Variants in MS4A14 observed in about 807,000 individuals in gnomAD.
The protein encoded by MS4A14 is membrane-spanning 4-domains subfamily A member 14.
MS4A14 carries 18 observed loss-of-function variants against 16.7 expected under a neutral mutation model. The observed-to-expected ratio is 1.08, with a 90% CI of 0.75 to 1.60. The LOEUF (loss-of-function observed/expected upper bound fraction) is 1.60, where lower values mean the gene tolerates loss of function less well. Among genes scored for constraint, MS4A14 ranks in the 40% most tolerant of loss-of-function variants. The pLI is 0.00. For synonymous variants in MS4A14, 305 were observed against 289.4 expected (o/e 1.05, Z -0.55); for missense variants, 812 against 775.3 (o/e 1.05, Z -0.56).
chr11:60,415,396 T>C, intron 4 of MS4A14, 41 bp from the exon 5 acceptor site: 1 of 1,530,176 alleles, frequency 6.5e-7, no homozygotes. Flanking sequence ...AAATCAGACA[T>C]GATTCTGTCA....
intron 2 of MS4A14, chr11:60,398,245 T>C (rs1305267417): frequency 1.5e-5 from 4 of 271,438 alleles, no homozygotes; most frequent in East Asian, 1.6e-4. Context: ...CCTGGGAGAC[T>C]AGATGCACAA....
In MS4A14 at chr11:60,416,196, C is replaced by G. The variant is rs746848351; in HGVS notation, c.1228C>G (p.Leu410Val). ...IPSQDMLSQA[L>V]SAHAILPEAS... The stretch of plus-strand genomic sequence containing the variant: ...TTCCCAAGATATGCTATCCCAAGCT[C>G]TATCAGCGCATGCCATATTACCTGA... The change falls in exon 5 of 5, where the codon CTA becomes GTA. Residue 410 changes from leucine (L) to valine (V), a missense_variant. By Grantham distance (32) the Leu-to-Val change is conservative. Coordinates refer to ENST00000300187, the MANE Select transcript of MS4A14 (RefSeq NM_032597.5). 1 of 1,613,720 alleles carries G rather than the reference C, an allele frequency of 6.2e-7. No individual in the cohort carries two copies. The highest frequency in any genetic ancestry group is 8.5e-7 in the Non-Finnish European group (1 of 1,179,926).
At chr11:60,400,294 G>C in intron 2 of MS4A14, 110 bp from the exon 3 acceptor site, 1 of 638,370 alleles carries the variant, frequency 1.6e-6, no homozygotes, top group Non-Finnish European at 2.7e-6. Context: ...TGGAAAAACG[G>C]GATGGTCTTG....
At chr11:60,409,305 T>G (rs1590815975) in intron 4 of MS4A14, among the ~76,000 whole-genome samples, 1 of 152,050 alleles carries the variant, frequency 6.6e-6, no homozygotes, top group Non-Finnish European at 1.5e-5. Context: ...GACCAATCCT[T>G]CCCGGTCCTC....
intron 4 of MS4A14, among the ~76,000 whole-genome samples, chr11:60,408,382 G>A (rs181817654): frequency 6.6e-6 from 1 of 152,062 alleles, no homozygotes; most frequent in East Asian, 1.9e-4. Context: ...ATAATGTTGT[G>A]TAACTCTCAC....
At position 60,415,533 on chromosome 11, in the gene MS4A14, T is replaced by C. The variant is rs1236747590; in HGVS notation, c.565T>C (p.Ser189Pro). ...QLQFVLQEEFSSDDSTTNAQS... is the reference protein window; with the variant it reads ...QLQFVLQEEFPSDDSTTNAQS... ...ACAATTTGTGCTTCAAGAAGAGTTTTCCAGTGATGATTCAACAACAAATGC... is the reference window on the plus strand; with the variant it reads ...ACAATTTGTGCTTCAAGAAGAGTTTCCCAGTGATGATTCAACAACAAATGC... Residue 189 changes from serine to proline, a missense_variant, in exon 5 of 5, where the codon TCC becomes CCC. By Grantham distance (74) the Ser-to-Pro change is moderately conservative (BLOSUM62 -1). Transcript: ENST00000300187. The C allele has an allele frequency of 6.2e-7, 1 of 1,613,766 alleles. No homozygotes were observed. Among genetic ancestry groups the C allele is most frequent in the Non-Finnish European group, 8.5e-7 (1 of 1,179,788 alleles).
chr11:60,399,027 T>TAG (rs1371523200), intron 2 of MS4A14, among the ~76,000 whole-genome samples: 3 of 152,222 alleles, frequency 2.0e-5, no homozygotes, highest in Non-Finnish European at 4.4e-5. Context: ...ACTTAAAAGA[T>TAG]ATTTACTGAG....
chr11:60,416,240 T>A lies in MS4A14; in HGVS notation c.1272T>A (p.Ile424=). The A allele has an allele frequency of 6.2e-7, 1 of 1,614,012 alleles. No individual in the cohort carries two copies. Among genetic ancestry groups the A allele is most frequent in the Non-Finnish European group, 8.5e-7 (1 of 1,179,972 alleles). ...AILPEASTSH[I]VQFPEIQHLL... is the part of the protein sequence containing the mutation. The stretch of plus-strand genomic sequence containing the variant: ...TACCTGAAGCCTCAACATCCCATAT[T>A]GTGCAGTTCCCTGAAATACAACACC... The change falls in exon 5 of 5, where the codon ATT becomes ATA. Residue 424 remains isoleucine (I), a synonymous_variant. Coordinates refer to ENST00000300187, the MANE Select transcript of MS4A14 (RefSeq NM_032597.5).
At chr11:60,410,015 AATTTTT>A (rs1392367137) in intron 4 of MS4A14, among the ~76,000 whole-genome samples, 3 of 152,064 alleles carry the variant, frequency 2.0e-5, no homozygotes, top group Admixed American at 6.6e-5. Flanking sequence ...CACCCACATA[AATTTTT>A]ATTTTTATTT....
chr11:60,404,577 G>A (rs2085760411), intron 4 of MS4A14: 1 of 456,806 alleles, frequency 2.2e-6, no homozygotes, highest in Non-Finnish European at 4.4e-6. Context: ...CCACACTCCA[G>A]CCACTTCCTA....
At chr11:60,398,644 G>C (rs947759228) in intron 2 of MS4A14, among the ~76,000 whole-genome samples, 2 of 152,036 alleles carry the variant, frequency 1.3e-5, no homozygotes, top group Admixed American at 1.3e-4. Context: ...TCATGCTTGA[G>C]GCATAGTGTG....
At chr11:60,397,760 G>T in intron 1 of MS4A14, 92 bp from the exon 2 acceptor site, 2 of 1,219,414 alleles carry the variant, frequency 1.6e-6, no homozygotes, top group Non-Finnish European at 2.3e-6. Context: ...TGGAGGGAAA[G>T]GTGTGCCATG....
intron 1 of MS4A14, 24 bp from the exon 2 acceptor site, chr11:60,397,828 A>G (rs767668309): frequency 1.2e-6 from 2 of 1,609,832 alleles, no homozygotes; most frequent in Non-Finnish European, 8.5e-7. Flanking sequence ...TTGTAACCTC[A>G]TGTACCCATT....
rs1276771680 is a variant in MS4A14 at position 60,417,190 on chromosome 11, CCAA to C, written c.*186_*188del. 9 of 651,738 alleles carry C rather than the reference CCAA, an allele frequency of 1.4e-5. No individual in the cohort carries two copies. In the East Asian group the frequency reaches 2.7e-4, roughly 19 times the overall value. The allele number at this position is 651,738 out of a possible 1,614,324, so 40.4% of individuals were successfully genotyped here. The stretch of plus-strand genomic sequence containing the variant: ...AATGTCAAGACACTCAAGATAAAGA[CCAA>C]CAAGACCTTCAATCCAGAGTTACAC... On this transcript the variant is annotated 3_prime_UTR_variant, in exon 5 of 5. Coordinates refer to ENST00000300187, the MANE Select transcript of MS4A14 (RefSeq NM_032597.5).
At chr11:60,410,897 G>A (rs2085859659) in intron 4 of MS4A14, among the ~76,000 whole-genome samples, 1 of 152,062 alleles carries the variant, frequency 6.6e-6, no homozygotes, top group Admixed American at 6.6e-5. Context: ...CCAGGCTGGA[G>A]TGCAGTGGTG....
chr11:60,398,151 C>A, intron 2 of MS4A14, 171 bp downstream of exon 2: 1 of 564,478 alleles, frequency 1.8e-6, no homozygotes, highest in Admixed American at 3.3e-5. Flanking sequence ...CTACCATCAT[C>A]ATTGTAATAA....
At position 60,415,883 on chromosome 11, in the gene MS4A14, A is replaced by G. The variant is rs552852595; in HGVS notation, c.915A>G (p.Pro305=). ...QDQAASLQVF[P]SHSALKLEDI... is the part of the protein sequence containing the mutation. ...AAGCTGCGTCACTCCAAGTTTTTCC[A>G]TCCCATTCTGCACTAAAACTCGAAG... Residue 305 remains proline (P), a synonymous_variant, in exon 5 of 5, where the codon CCA becomes CCG. Coordinates refer to ENST00000300187, the MANE Select transcript of MS4A14 (RefSeq NM_032597.5). 2 of 1,613,914 alleles carry G rather than the reference A, an allele frequency of 1.2e-6. No homozygotes were observed. Among genetic ancestry groups the G allele is most frequent in the African/African-American group, 2.7e-5 (2 of 75,014 alleles).
intron 2 of MS4A14, 126 bp downstream of exon 2, chr11:60,398,106 C>T (rs758060237): frequency 1.1e-5 from 10 of 949,940 alleles, no homozygotes; most frequent in Non-Finnish European, 1.4e-5. Flanking sequence ...CAGCTCCCTT[C>T]ACGGCAAAAG....
At chr11:60,406,779 G>A (rs893954743) in intron 4 of MS4A14, among the ~76,000 whole-genome samples, 2 of 151,980 alleles carry the variant, frequency 1.3e-5, no homozygotes, top group African/African-American at 2.4e-5. Flanking sequence ...CTAGCATCCC[G>A]GAAGGTTCAC....
Sources: allele counts gnomAD v4.1 joint callset (sites outside exome capture counted in the v4.1 genomes callset), GRCh38; gene constraint gnomAD v4.1.1; transcripts MANE v1.5; gene names NCBI Gene and HGNC (gene_info 2026-07-23, HGNC 2026-07-21).